KAZN: variants seen among roughly 807,000 people sequenced by gnomAD.
KAZN encodes the protein kazrin.
In KAZN, 40 loss-of-function variants were observed where a neutral mutation model predicts 87.4. The ratio of observed to expected loss-of-function variants is 0.46; its 90% CI spans 0.36 to 0.60. The LOEUF (loss-of-function observed/expected upper bound fraction) is 0.60. Among genes scored for constraint, KAZN ranks in the 20% least tolerant of loss-of-function variants. KAZN has a pLI of 0.00. For missense variants in KAZN, 898 were observed against 1,073.9 expected, an observed-to-expected ratio of 0.84 and a Z score of 2.29; for synonymous variants, 466 against 458.3, an observed-to-expected ratio of 1.02 and a Z score of -0.22.
At chr1:14,448,300 T>A (rs1045077491) in intron 2 of KAZN, among the ~76,000 whole-genome samples, 8 of 152,196 alleles carry the variant, frequency 5.3e-5, no homozygotes, top group African/African-American at 1.9e-4. Context: ...AGCCCAGGTA[T>A]AAGGCACCAC....
intron 2 of KAZN, among the ~76,000 whole-genome samples, chr1:14,431,544 G>A (rs772455877): frequency 6.6e-6 from 1 of 152,206 alleles, no homozygotes; most frequent in Non-Finnish European, 1.5e-5. Flanking sequence ...TGAGGGTGTT[G>A]ACATTTGAGT....
At chr1:14,311,895 G>A (rs149042006) in intron 2 of KAZN, among the ~76,000 whole-genome samples, 28 of 152,242 alleles carry the variant, frequency 1.8e-4, no homozygotes, top group African/African-American at 6.3e-4. Context: ...CTTGCAGCAG[G>A]GGAAGTATGC....
chr1:14,815,343 A>AC (rs1226522346), intron 1 of KAZN, among the ~76,000 whole-genome samples: 6 of 151,966 alleles, frequency 3.9e-5, no homozygotes, highest in South Asian at 2.1e-4. Context: ...CAGTCCTCTG[A>AC]CCCCCCTAAG....
intron 2 of KAZN, among the ~76,000 whole-genome samples, chr1:14,365,265 T>C (rs889425383): frequency 6.6e-5 from 10 of 151,700 alleles, no homozygotes; most frequent in Non-Finnish European, 1.3e-4. Context: ...GCCAGGATGG[T>C]CTCAATCTCC....
At chr1:13,973,327 C>A (rs928719726) in intron 1 of KAZN, among the ~76,000 whole-genome samples, 1 of 152,180 alleles carries the variant, frequency 6.6e-6, no homozygotes, top group African/African-American at 2.4e-5. Flanking sequence ...CTGCTTTATT[C>A]CCTAGGAGGC....
At chr1:14,423,918 C>T (rs1328408804) in intron 2 of KAZN, among the ~76,000 whole-genome samples, 1 of 152,204 alleles carries the variant, frequency 6.6e-6, no homozygotes, top group African/African-American at 2.4e-5. Context: ...AAGACACTGA[C>T]TGAGAATTAA....
chr1:14,864,783 C>T (rs532391575), intron 1 of KAZN, among the ~76,000 whole-genome samples: 7 of 152,210 alleles, frequency 4.6e-5, no homozygotes, highest in East Asian at 3.9e-4. Context: ...TGCTGGGGGC[C>T]TGTATCAGCG....
At chr1:13,941,291 AC>A (rs1218339204) in intron 1 of KAZN, among the ~76,000 whole-genome samples, 3 of 152,212 alleles carry the variant, frequency 2.0e-5, no homozygotes, top group Non-Finnish European at 4.4e-5. Context: ...TCTCTTTCAT[AC>A]CTGCTCACAC....
chr1:15,038,832 C>T (rs1332115081), intron 3 of KAZN, among the ~76,000 whole-genome samples: 1 of 103,902 alleles, frequency 9.6e-6, no homozygotes, highest in African/African-American at 3.8e-5. Flanking sequence ...TATATACAGA[C>T]ATGAATGTGC....
intron 1 of KAZN, among the ~76,000 whole-genome samples, chr1:13,963,759 CTGTGTG>C (rs70987708): frequency 0.13 from 17,863 of 141,684 alleles, 1,441 homozygotes; most frequent in Admixed American, 0.32. Context: ...CTGCTGTGGT[CTGTGTG>C]TGTGTGTGTG....
intron 1 of KAZN, among the ~76,000 whole-genome samples, chr1:14,068,229 A>C (rs1643094657): frequency 6.6e-6 from 1 of 152,232 alleles, no homozygotes; most frequent in Non-Finnish European, 1.5e-5. Flanking sequence ...CATTAAACTT[A>C]GAGACAAGGG....
chr1:14,655,962 G>A (rs1480108029), intron 1 of KAZN, among the ~76,000 whole-genome samples: 1 of 152,136 alleles, frequency 6.6e-6, no homozygotes, highest in Non-Finnish European at 1.5e-5. Context: ...CTTGCTGAAG[G>A]CGTGCAGCTT....
chr1:14,880,966 T>C (rs1313421559), intron 1 of KAZN, among the ~76,000 whole-genome samples: 1 of 152,194 alleles, frequency 6.6e-6, no homozygotes, highest in African/African-American at 2.4e-5. Flanking sequence ...TGCCGGTGAA[T>C]AGCCTCCAGT....
chr1:14,570,016 G>A (rs574456702), intron 2 of KAZN, among the ~76,000 whole-genome samples: 4 of 152,228 alleles, frequency 2.6e-5, no homozygotes, highest in African/African-American at 7.2e-5. Context: ...GGGAGGCCGC[G>A]GCAGGAGAAT....
intron 1 of KAZN, among the ~76,000 whole-genome samples, chr1:14,745,686 GT>G (rs919837986): frequency 1.3e-5 from 2 of 152,196 alleles, no homozygotes; most frequent in Admixed American, 1.3e-4. Context: ...TGGTGGAAGA[GT>G]GGGGAAGAGA....
chr1:14,548,397 C>T (rs12035267), intron 2 of KAZN, among the ~76,000 whole-genome samples: 4,606 of 152,084 alleles, frequency 0.03, 158 homozygotes, highest in East Asian at 0.14. Context: ...CAGGCTTTTG[C>T]CATCTTGCCC....
chr1:14,994,302 G>A (rs748394466), intron 2 of KAZN, among the ~76,000 whole-genome samples: 4 of 152,222 alleles, frequency 2.6e-5, no homozygotes, highest in Non-Finnish European at 4.4e-5. Flanking sequence ...GGACTCTTGG[G>A]GGAGGTTCCC....
At chr1:15,070,857 A>G (rs760605968) in intron 8 of KAZN, among the ~76,000 whole-genome samples, 1 of 152,134 alleles carries the variant, frequency 6.6e-6, no homozygotes, top group Non-Finnish European at 1.5e-5. Flanking sequence ...ATAAATGAAT[A>G]AATAAAATAT....
chr1:14,167,141 T>C (rs1210251955), intron 1 of KAZN, among the ~76,000 whole-genome samples: 1 of 152,052 alleles, frequency 6.6e-6, no homozygotes, highest in Non-Finnish European at 1.5e-5. Flanking sequence ...GAATGCAGAG[T>C]GGTGCAGAGT....
Sources: gnomAD v4.1 joint callset for allele counts (sites outside exome capture counted in the v4.1 genomes callset) on GRCh38, gnomAD v4.1.1 for gene constraint, MANE v1.5 for transcripts, NCBI Gene and HGNC (gene_info 2026-07-23, HGNC 2026-07-21) for gene names.